The following BLM variants were observed in gnomAD, a reference collection of about 807,000 sequenced individuals.
The protein encoded by BLM is recQ-like DNA helicase BLM.
A neutral mutation model predicts 135.3 loss-of-function variants in BLM; 95 were observed. The ratio of observed to expected loss-of-function variants is 0.70; its 90% CI spans 0.59 to 0.83. The LOEUF (loss-of-function observed/expected upper bound fraction) is 0.83. BLM is among the 40% of genes least tolerant of loss of function. The pLI, the probability that BLM is intolerant of heterozygous loss-of-function variation, is 0.00. For missense variants in BLM, 1,518 were observed against 1,663.9 expected, an observed-to-expected ratio of 0.91 and a Z score of 1.53; for synonymous variants, 520 against 589.2, an observed-to-expected ratio of 0.88 and a Z score of 1.70.
chr15:90,749,411 CTG>C lies in BLM; in HGVS notation c.145_146del (p.Val49AsnfsTer2). ...AAAACATCTTCAGATAACAATGTATCTGTAACTAATGTGTCAGTAGCAAAAAC... is the reference window on the plus strand; with the variant it reads ...AAAACATCTTCAGATAACAATGTATCTAACTAATGTGTCAGTAGCAAAAAC... On this transcript the variant is annotated frameshift_variant, in exon 3 of 22. Transcript: ENST00000355112. LOFTEE classifies it high-confidence loss of function. 2 of 1,609,278 alleles carry C rather than the reference CTG, an allele frequency of 1.2e-6. No individual in the cohort carries two copies. Among genetic ancestry groups the C allele is most frequent in the Non-Finnish European group, 1.7e-6 (2 of 1,175,804 alleles).
intron 12 of BLM, among the ~76,000 whole-genome samples, chr15:90,773,511 C>CTTTTTTTTTTTTTTTTTTTTTTTTTGTT: frequency 9.9e-6 from 1 of 100,846 alleles, no homozygotes; most frequent in Non-Finnish European, 1.8e-5. Flanking sequence ...CTTCAATGGC[C>CTTTTTTTTTTTTTTTTTTTTTTTTTGTT]TTTTTTTTTT....
chr15:90,770,568 C>G (rs1421352868), intron 12 of BLM, among the ~76,000 whole-genome samples: 1 of 152,212 alleles, frequency 6.6e-6, no homozygotes, highest in Non-Finnish European at 1.5e-5. Context: ...TTTATTCACT[C>G]AGCAAATATT....
intron 1 of BLM, among the ~76,000 whole-genome samples, chr15:90,723,653 T>TA (rs1189054837): frequency 1.3e-5 from 2 of 151,782 alleles, no homozygotes; most frequent in Non-Finnish European, 2.9e-5. Context: ...ACCTTGTCTC[T>TA]AAAAAAAAAT....
intron 12 of BLM, among the ~76,000 whole-genome samples, chr15:90,776,792 G>A (rs73498494): frequency 0.3 from 45,464 of 151,862 alleles, 8,280 homozygotes; most frequent in African/African-American, 0.52. Flanking sequence ...TGCCTGCCCC[G>A]GCCTCCCAAA....
chr15:90,807,110 A>G (rs1897302385), intron 19 of BLM, among the ~76,000 whole-genome samples: 1 of 152,220 alleles, frequency 6.6e-6, no homozygotes, highest in South Asian at 2.1e-4. Flanking sequence ...TGTCATCACT[A>G]ACATTCTCAT....
rs1344521503 is a variant in BLM, at chr15:90,815,855, G to A, written c.*576G>A. 1 of 154,314 alleles carries A rather than the reference G, an allele frequency of 6.5e-6. No individual in the cohort carries two copies. Among genetic ancestry groups the A allele is most frequent in the African/African-American group, 2.4e-5 (1 of 41,430 alleles). 9.6% of individuals were successfully genotyped at this position (154,314 alleles called of 1,614,324 possible). A position where few individuals can be genotyped will look rare whatever the true frequency, so the allele number is the denominator to read the frequency against. ...AGCACTTTGGGAGGCCGAGGCAGGTGGATCACGAGGTCAGGAGTTTGAGAC... is the reference window on the plus strand; with the variant it reads ...AGCACTTTGGGAGGCCGAGGCAGGTAGATCACGAGGTCAGGAGTTTGAGAC... On this transcript the variant is annotated 3_prime_UTR_variant, in exon 22 of 22. Coordinates refer to ENST00000355112, the MANE Select transcript of BLM (RefSeq NM_000057.4). This position sits in a 1 kb window ranked among gnomAD's most constrained non-coding sequence, Gnocchi z 4.6.
rs2151149532 is a variant in BLM at position 90,751,806 on chromosome 15, G to T, written c.819G>T (p.Lys273Asn). ...CTGTAGATAATAGCGAAAAGAAGAAGAATTTGGAAGAAGCTGAATTACATT... is the reference window on the plus strand; with the variant it reads ...CTGTAGATAATAGCGAAAAGAAGAATAATTTGGAAGAAGCTGAATTACATT... ...EDERDNSEKK[K>N]NLEEAELHST... The change falls in exon 4 of 22, where the codon AAG becomes AAT. Residue 273 changes from lysine (K) to asparagine (N), a missense_variant. By Grantham distance (94) the Lys-to-Asn change is moderately conservative. Coordinates refer to ENST00000355112, the MANE Select transcript of BLM (RefSeq NM_000057.4). 2 of 1,612,444 alleles carry T rather than the reference G, an allele frequency of 1.2e-6. No individual in the cohort carries two copies. Among genetic ancestry groups the T allele is most frequent in the South Asian group, 1.1e-5 (1 of 91,016 alleles).
chr15:90,745,806 T>C (rs1414031701), intron 1 of BLM, among the ~76,000 whole-genome samples: 6 of 150,996 alleles, frequency 4.0e-5, no homozygotes, highest in Non-Finnish European at 5.9e-5. Context: ...TGGCTACGCA[T>C]GGCTCACACC....
At chr15:90,775,522 G>A (rs890863380) in intron 12 of BLM, among the ~76,000 whole-genome samples, 2 of 147,920 alleles carry the variant, frequency 1.4e-5, no homozygotes, top group African/African-American at 5.1e-5. Context: ...GTGTGTGTGT[G>A]TGTGTGTGTA....
In BLM at chr15:90,768,626, T is replaced by C. The variant is rs536688907; in HGVS notation, c.2308-507T>C. 5.9e-5 allele frequency among the ~76,000 whole-genome samples: 9 copies of C among 152,384 alleles called. No individual in the cohort carries two copies. In the East Asian group the frequency reaches 1.5e-3, roughly 26 times the overall value. The stretch of plus-strand genomic sequence containing the variant: ...TGCTAAATAAGCTGTTTGCTTAATG[T>C]TGGTGAACATTCTAAAATTTGATCT... On this transcript the variant is annotated intron_variant, in intron 10 of 21. Transcript: ENST00000355112.
intron 12 of BLM, among the ~76,000 whole-genome samples, chr15:90,775,831 AT>A (rs1567048733): frequency 6.6e-6 from 1 of 152,034 alleles, no homozygotes; most frequent in African/African-American, 2.4e-5. Context: ...TTGATTGAGA[AT>A]GTATCTCTTA....
chr15:90,774,703 A>G (rs936123276), intron 12 of BLM, among the ~76,000 whole-genome samples: 1 of 151,472 alleles, frequency 6.6e-6, no homozygotes, highest in Non-Finnish European at 1.5e-5. Flanking sequence ...GCGTGGTGGC[A>G]TGCACCTATA....
intron 19 of BLM, among the ~76,000 whole-genome samples, chr15:90,805,087 C>T (rs544276561): frequency 2.0e-4 from 30 of 152,118 alleles, no homozygotes; most frequent in Non-Finnish European, 3.5e-4. Context: ...CCACCCACCT[C>T]GGCCTCCCAA....
chr15:90,816,080 C>CAAAAAAAAAA lies in BLM; in HGVS notation c.*811_*820dup. ...TGGGTGACAGAGCAAGACTCCGTCT[C>CAAAAAAAAAA]AAAAAAAAAAAAAAAAAAAGAAATA... is the stretch of plus-strand genomic sequence containing the variant. On this transcript the variant is annotated 3_prime_UTR_variant, in exon 22 of 22. Transcript: ENST00000355112. 1.0e-5 allele frequency: 1 copy of CAAAAAAAAAA among 96,522 alleles called. No individual in the cohort carries two copies. The highest frequency in any genetic ancestry group is 2.1e-5 in the Non-Finnish European group (1 of 47,568). 6.0% of individuals were successfully genotyped at this position (96,522 alleles called of 1,614,324 possible). A position where few individuals can be genotyped will look rare whatever the true frequency, so the allele number is the denominator to read the frequency against.
At chr15:90,766,747 G>GT (rs1303151029) in intron 9 of BLM, among the ~76,000 whole-genome samples, 163 bp from the exon 10 acceptor site, 1 of 152,168 alleles carries the variant, frequency 6.6e-6, no homozygotes, top group African/African-American at 2.4e-5. Context: ...CTTAATAAGG[G>GT]TTTTTTAAAA....
rs753456624 is a variant in BLM at position 90,760,747 on chromosome 15, T to G, written c.1374T>G (p.Leu458=). The G allele has an allele frequency of 6.2e-7, 1 of 1,614,098 alleles. No homozygotes were observed. Among genetic ancestry groups the G allele is most frequent in the South Asian group, 1.1e-5 (1 of 91,080 alleles). ...NSMKELNFSH[L]PSNSVSPGDC... is the part of the protein sequence containing the mutation. The stretch of plus-strand genomic sequence containing the variant: ...TGAAGGAGTTAAATTTTTCACACCT[T>G]CCCTCAAATTCTGTTTCTCCTGGGG... Residue 458 remains leucine, a synonymous_variant, in exon 7 of 22, where the codon CTT becomes CTG. Coordinates refer to ENST00000355112, the MANE Select transcript of BLM (RefSeq NM_000057.4).
intron 12 of BLM, among the ~76,000 whole-genome samples, chr15:90,780,415 C>A (rs1008356861): frequency 6.6e-6 from 1 of 152,098 alleles, no homozygotes; most frequent in Admixed American, 6.6e-5. Flanking sequence ...AGACGAGGGT[C>A]TCACTTTGTT....
intron 4 of BLM, among the ~76,000 whole-genome samples, chr15:90,754,432 T>C (rs968224352): frequency 1.3e-5 from 2 of 152,144 alleles, no homozygotes; most frequent in African/African-American, 4.8e-5. Context: ...AAGTAATGCT[T>C]TGGCTGGGGC....
chr15:90,744,159 C>T (rs897696997), intron 1 of BLM, among the ~76,000 whole-genome samples: 1 of 152,104 alleles, frequency 6.6e-6, no homozygotes. Flanking sequence ...ATGCCATAGA[C>T]CACTTTGTTC....
Sources: allele counts gnomAD v4.1 joint callset (sites outside exome capture counted in the v4.1 genomes callset), GRCh38; gene constraint gnomAD v4.1.1; non-coding constraint Gnocchi (gnomAD v3.1); transcripts MANE v1.5; gene names NCBI Gene and HGNC (gene_info 2026-07-23, HGNC 2026-07-21).